Variants in TRPM8 observed in about 807,000 individuals in gnomAD.
The protein encoded by TRPM8 is TRPM8 cationic channel.
TRPM8 carries 110 observed loss-of-function variants against 133.7 expected under a neutral mutation model. The observed-to-expected ratio is 0.82, with a 90% CI of 0.70 to 0.96. TRPM8 has a LOEUF of 0.96. Among genes scored for constraint, TRPM8 ranks in the 40% least tolerant of loss-of-function variants. The pLI is 0.00. For synonymous variants in TRPM8, 535 were observed against 532.3 expected, an observed-to-expected ratio of 1.01 and a Z score of -0.07; for missense variants, 1,291 against 1,379.5, an observed-to-expected ratio of 0.94 and a Z score of 1.02.
Position 234,004,499 on chromosome 2 carries a change from C to T in TRPM8, c.3131-2354C>T, listed in dbSNP as rs115795849. Among the ~76,000 whole-genome samples, 412 of 152,258 alleles carry T rather than the reference C, an allele frequency of 2.7e-3. 2 individuals are homozygous for T. Among genetic ancestry groups the T allele is most frequent in the African/African-American group, 9.0e-3 (375 of 41,542 alleles). On this transcript the variant is annotated intron_variant, in intron 22 of 25. Coordinates refer to ENST00000324695, the MANE Select transcript of TRPM8 (RefSeq NM_024080.5). ...TTGCTTTGCCTCCAAATGGTGGTGA[C>T]GTCATGGGTTTAATTCTGAAATTGT...
At chr2:233,992,422 A>T (rs1332153149) in intron 21 of TRPM8, among the ~76,000 whole-genome samples, 1 of 152,224 alleles carries the variant, frequency 6.6e-6, no homozygotes, top group East Asian at 1.9e-4. Context: ...ATATTTAGTC[A>T]TCCTATTCCA....
At chr2:233,919,008 G>C (rs1691356294) in intron 1 of TRPM8, among the ~76,000 whole-genome samples, 1 of 151,834 alleles carries the variant, frequency 6.6e-6, no homozygotes, top group Non-Finnish European at 1.5e-5. Context: ...CTCATTCAGT[G>C]TGCAAAGGAA....
rs1692711679 is a variant in TRPM8, at chr2:234,007,007, A to G, written c.3230+55A>G. On this transcript the variant is annotated intron_variant, in intron 23 of 25. Coordinates refer to ENST00000324695, the MANE Select transcript of TRPM8 (RefSeq NM_024080.5). ...AGGCTCCCTCTGTAGACATAAGCCC[A>G]TAGAACGTAGGCAGCTTATTTGAGC... The G allele has an allele frequency of 5.1e-6, 7 of 1,370,898 alleles. No individual in the cohort carries two copies. The East Asian group carries it at 1.2e-4, about 23-fold the overall frequency. 84.9% of individuals were successfully genotyped at this position (1,370,898 alleles called of 1,614,324 possible).
At chr2:234,008,181 G>T (rs1383288763) in intron 24 of TRPM8, 78 bp downstream of exon 24, 2 of 1,406,194 alleles carry the variant, frequency 1.4e-6, no homozygotes, top group Non-Finnish European at 1.9e-6. Flanking sequence ...GAGGCCAGTA[G>T]TTGTGATAAT....
At chr2:233,987,788 C>G (rs1378593461) in intron 21 of TRPM8, among the ~76,000 whole-genome samples, 1 of 152,196 alleles carries the variant, frequency 6.6e-6, no homozygotes, top group Non-Finnish European at 1.5e-5. Context: ...TTCCCCCATA[C>G]TGTTCTCATG....
chr2:233,995,678 G>A (rs1045600341), intron 21 of TRPM8, among the ~76,000 whole-genome samples: 23 of 151,770 alleles, frequency 1.5e-4, no homozygotes, highest in South Asian at 6.3e-4. Flanking sequence ...TTGATTAATC[G>A]TAATGTGTGA....
chr2:233,994,449 A>G (rs1224831836), intron 21 of TRPM8, among the ~76,000 whole-genome samples: 2 of 152,198 alleles, frequency 1.3e-5, no homozygotes, highest in African/African-American at 2.4e-5. Flanking sequence ...ACCAATTTAC[A>G]GGCATAGCAT....
chr2:233,979,806 C>G (rs1691961009), intron 17 of TRPM8, among the ~76,000 whole-genome samples: 1 of 152,174 alleles, frequency 6.6e-6, no homozygotes, highest in African/African-American at 2.4e-5. Flanking sequence ...ATGATGACAA[C>G]AATATGAGTA....
chr2:233,923,441 C>T (rs1691450365), intron 1 of TRPM8, among the ~76,000 whole-genome samples: 1 of 152,170 alleles, frequency 6.6e-6, no homozygotes, highest in Non-Finnish European at 1.5e-5. Context: ...TGCAGCTGTA[C>T]CAAGGTTTTC....
intron 21 of TRPM8, among the ~76,000 whole-genome samples, chr2:233,990,632 T>C (rs928316656): frequency 6.6e-6 from 1 of 152,142 alleles, no homozygotes; most frequent in Non-Finnish European, 1.5e-5. Context: ...TAATCACGGG[T>C]TTCTGTGCTT....
At chr2:233,997,975 C>T (rs1022181085) in intron 22 of TRPM8, among the ~76,000 whole-genome samples, 6 of 152,178 alleles carry the variant, frequency 3.9e-5, no homozygotes, top group African/African-American at 1.4e-4. Flanking sequence ...AGCCACTAAG[C>T]CAGACAATCT....
chr2:233,978,643 A>C (rs771958201), intron 17 of TRPM8, among the ~76,000 whole-genome samples: 10 of 152,312 alleles, frequency 6.6e-5, no homozygotes, highest in East Asian at 1.9e-4. Flanking sequence ...ATTGTAGTAT[A>C]TTCAATATTC....
intron 22 of TRPM8, among the ~76,000 whole-genome samples, chr2:234,005,826 G>A (rs1016766907): frequency 1.2e-4 from 18 of 151,772 alleles, no homozygotes; most frequent in African/African-American, 4.1e-4. Flanking sequence ...CAGGAGAATC[G>A]CTTGAACCTA....
At chr2:233,942,826 G>A (rs765551100) in intron 6 of TRPM8, 78 bp downstream of exon 6, 1 of 1,576,260 alleles carries the variant, frequency 6.3e-7, no homozygotes, top group African/African-American at 1.3e-5. Flanking sequence ...CTGAACCCTG[G>A]GGCTCTGTGA....
chr2:233,970,490 A>T (rs946972301), intron 17 of TRPM8, 64 bp downstream of exon 17: 3 of 1,477,638 alleles, frequency 2.0e-6, no homozygotes, highest in African/African-American at 2.8e-5. Flanking sequence ...TTCTAAAGCC[A>T]AGAGGAATAG....
chr2:233,918,081 G>C (rs1407767202), intron 1 of TRPM8, among the ~76,000 whole-genome samples: 1 of 152,044 alleles, frequency 6.6e-6, no homozygotes, highest in Non-Finnish European at 1.5e-5. Context: ...ATTATTGCCA[G>C]TGCTGACTTT....
chr2:233,960,664 A>G (rs1691409830), intron 11 of TRPM8, 112 bp from the exon 12 acceptor site: 1 of 802,034 alleles, frequency 1.2e-6, no homozygotes, highest in Non-Finnish European at 2.0e-6. Flanking sequence ...AGTTGAAGAT[A>G]TTATTACTCT....
At chr2:234,003,491 T>A (rs1692619716) in intron 22 of TRPM8, among the ~76,000 whole-genome samples, 1 of 152,202 alleles carries the variant, frequency 6.6e-6, no homozygotes, top group Non-Finnish European at 1.5e-5. Flanking sequence ...GGAATTTGAC[T>A]CAAACATGGC....
At chr2:233,927,787 TTTCTTTTCTTTCCTTCCTTCCTTCC>T (rs1691567627) in intron 2 of TRPM8, among the ~76,000 whole-genome samples, 52 of 33,630 alleles carry the variant, frequency 1.5e-3, no homozygotes, top group East Asian at 1.9e-3. Flanking sequence ...TCTTTCTTTC[TTTCTTTTCTTTCCTTCCTTCCTTCC>T]TTCCTTCCTT....
Sources: allele counts gnomAD v4.1 joint callset (sites outside exome capture counted in the v4.1 genomes callset), GRCh38; gene constraint gnomAD v4.1.1; transcripts MANE v1.5; gene names NCBI Gene and HGNC (gene_info 2026-07-23, HGNC 2026-07-21).